Variants in KHDRBS2 observed in about 807,000 individuals in gnomAD.
KHDRBS2 encodes KH RNA binding domain containing, signal transduction associated 2, also known as KH domain-containing, RNA-binding, signal transduction-associated protein 2.
A neutral mutation model predicts 44.3 loss-of-function variants in KHDRBS2; 26 were observed. That is an observed-to-expected ratio of 0.59 (90% confidence interval 0.43 to 0.81). The LOEUF (loss-of-function observed/expected upper bound fraction) is 0.81. Among genes scored for constraint, KHDRBS2 ranks in the 40% least tolerant of loss-of-function variants. KHDRBS2 has a pLI of 0.00. For missense variants in KHDRBS2, 476 were observed against 433.1 expected, an observed-to-expected ratio of 1.10 and a Z score of -0.88; for synonymous variants, 194 against 151.1, an observed-to-expected ratio of 1.28 and a Z score of -2.08.
intron 2 of KHDRBS2, among the ~76,000 whole-genome samples, chr6:62,083,371 G>A (rs1797786963): frequency 6.6e-6 from 1 of 152,088 alleles, no homozygotes; most frequent in Admixed American, 6.5e-5. Context: ...ACTTTCACTG[G>A]CAATAAAATC....
intron 1 of KHDRBS2, among the ~76,000 whole-genome samples, chr6:62,257,711 A>G (rs541460367): frequency 6.6e-5 from 10 of 152,108 alleles, no homozygotes; most frequent in African/African-American, 2.4e-4. Flanking sequence ...CTTCAGCCAC[A>G]TATTTCCCTC....
At chr6:62,231,339 T>C (rs1288788037) in intron 1 of KHDRBS2, among the ~76,000 whole-genome samples, 1 of 152,194 alleles carries the variant, frequency 6.6e-6, no homozygotes, top group African/African-American at 2.4e-5. Flanking sequence ...AAGGACCTTC[T>C]TCACATGGCA....
the KHDRBS2 span, among the ~76,000 whole-genome samples, chr6:61,561,654 A>G: frequency 1.3e-5 from 2 of 152,120 alleles, no homozygotes; most frequent in Admixed American, 1.3e-4. Context: ...GAGTATTGCC[A>G]TGGTATCACT....
At chr6:61,803,098 A>G (rs954363282) in intron 6 of KHDRBS2, among the ~76,000 whole-genome samples, 2 of 152,180 alleles carry the variant, frequency 1.3e-5, no homozygotes, top group African/African-American at 4.8e-5. Flanking sequence ...TTCAAAATGT[A>G]TTTTCTGAGT....
chr6:62,285,153 A>C (rs2150199813), intron 1 of KHDRBS2, among the ~76,000 whole-genome samples: 1 of 152,282 alleles, frequency 6.6e-6, no homozygotes, highest in Non-Finnish European at 1.5e-5. Flanking sequence ...AATGCAAAAA[A>C]CAAGACATAT....
rs543764056 is a variant in KHDRBS2, at chr6:62,061,165, C to A, written c.220-13171G>T. 1.8e-3 allele frequency among the ~76,000 whole-genome samples: 275 copies of A among 151,716 alleles called. 9 individuals are homozygous for A. The South Asian group carries it at 0.052, about 28-fold the overall frequency. On this transcript the variant is annotated intron_variant, in intron 2 of 8. Transcript: ENST00000281156. Reference sequence around the variant, plus strand: ...GTGTCTTTTAATTGGAGCATTTAGTCCATTTACATTTAGAGTTAATATTGT... The same window carrying A: ...GTGTCTTTTAATTGGAGCATTTAGTACATTTACATTTAGAGTTAATATTGT...
chr6:62,180,693 C>G (rs1341618714), intron 1 of KHDRBS2, among the ~76,000 whole-genome samples: 1 of 151,590 alleles, frequency 6.6e-6, no homozygotes, highest in Non-Finnish European at 1.5e-5. Context: ...AAAAAATAAT[C>G]CCCAAATTTA....
chr6:61,954,354 T>TGCATACATATACACGTATGTATGC (rs1554289643), intron 4 of KHDRBS2, among the ~76,000 whole-genome samples: 1 of 86,514 alleles, frequency 1.2e-5, no homozygotes, highest in African/African-American at 3.9e-5. Context: ...TATACATATG[T>TGCATACATATACACGTATGTATGC]ATGCATACAT....
At chr6:61,903,228 C>T (rs1368696556) in intron 4 of KHDRBS2, among the ~76,000 whole-genome samples, 1 of 152,142 alleles carries the variant, frequency 6.6e-6, no homozygotes, top group Non-Finnish European at 1.5e-5. Flanking sequence ...ACATTAATCC[C>T]ATAATTTTGC....
At chr6:61,550,734 A>T in the KHDRBS2 span, among the ~76,000 whole-genome samples, 14 of 148,814 alleles carry the variant, frequency 9.4e-5, no homozygotes, top group Non-Finnish European at 1.9e-4. Flanking sequence ...TTACTTCTTA[A>T]TAACAGCCTT....
At chr6:62,198,646 T>A (rs1826211976) in intron 1 of KHDRBS2, among the ~76,000 whole-genome samples, 1 of 152,076 alleles carries the variant, frequency 6.6e-6, no homozygotes, top group Admixed American at 6.6e-5. Context: ...CAGCCGAATT[T>A]TACCAGAGGT....
chr6:61,968,929 A>G (rs1223149246), intron 4 of KHDRBS2, among the ~76,000 whole-genome samples: 4 of 152,010 alleles, frequency 2.6e-5, no homozygotes, highest in African/African-American at 9.7e-5. Flanking sequence ...TCTTTAGAGG[A>G]TTGACAAAAA....
intron 7 of KHDRBS2, among the ~76,000 whole-genome samples, chr6:61,711,258 GCTACTAAACT>G (rs1338674376): frequency 2.0e-5 from 3 of 151,612 alleles, no homozygotes; most frequent in Non-Finnish European, 4.4e-5. Context: ...TTTAAGGGTT[GCTACTAAACT>G]TAATTCTTGG....
At chr6:62,224,820 C>T (rs534681545) in intron 1 of KHDRBS2, among the ~76,000 whole-genome samples, 1 of 152,216 alleles carries the variant, frequency 6.6e-6, no homozygotes, top group East Asian at 1.9e-4. Flanking sequence ...AGTCATACTA[C>T]CATAGAATAA....
At chr6:62,076,902 A>T (rs1796448808) in intron 2 of KHDRBS2, among the ~76,000 whole-genome samples, 2 of 151,882 alleles carry the variant, frequency 1.3e-5, no homozygotes, top group Admixed American at 6.6e-5. Flanking sequence ...AAAATTAGCC[A>T]GGTGTGGTGG....
At chr6:61,822,275 T>G (rs1790039764) in intron 6 of KHDRBS2, among the ~76,000 whole-genome samples, 2 of 151,956 alleles carry the variant, frequency 1.3e-5, no homozygotes. Context: ...CTGTAGCCTA[T>G]CCCAGCAAAT....
At chr6:61,772,497 C>T (rs913943428) in intron 6 of KHDRBS2, among the ~76,000 whole-genome samples, 1 of 152,170 alleles carries the variant, frequency 6.6e-6, no homozygotes, top group Non-Finnish European at 1.5e-5. Flanking sequence ...ACCGATCCCA[C>T]AGAAATACAA....
intron 6 of KHDRBS2, among the ~76,000 whole-genome samples, chr6:61,757,022 T>A (rs1252834745): frequency 1.3e-5 from 2 of 152,214 alleles, no homozygotes; most frequent in Non-Finnish European, 2.9e-5. Context: ...ATTTGGAGCT[T>A]CCTCCGCATT....
the KHDRBS2 span, among the ~76,000 whole-genome samples, chr6:61,653,063 A>T: frequency 6.6e-6 from 1 of 152,228 alleles, no homozygotes; most frequent in East Asian, 1.9e-4. Flanking sequence ...TCCTTTTTAA[A>T]GGAAATGAGT....
Sources: gnomAD v4.1 joint callset for allele counts (sites outside exome capture counted in the v4.1 genomes callset) on GRCh38, gnomAD v4.1.1 for gene constraint, MANE v1.5 for transcripts, NCBI Gene and HGNC (gene_info 2026-07-23, HGNC 2026-07-21) for gene names.